Variants in NUP214 observed in about 807,000 individuals in gnomAD.
The protein encoded by NUP214 is nucleoporin 214, also known as nuclear pore complex protein Nup214.
A neutral mutation model predicts 196.2 loss-of-function variants in NUP214; 79 were observed. That is an observed-to-expected ratio of 0.40 (90% confidence interval 0.34 to 0.49). The LOEUF is 0.49. Among genes scored for constraint, NUP214 ranks in the 20% least tolerant of loss-of-function variants. The probability of loss-of-function intolerance (pLI) is 0.58; values close to 1 mark genes in which losing one functional copy is unlikely to be tolerated. For missense variants in NUP214, 2,468 were observed against 2,539.0 expected, an observed-to-expected ratio of 0.97 and a Z score of 0.60; for synonymous variants, 1,020 against 990.5, an observed-to-expected ratio of 1.03 and a Z score of -0.56.
At chr9:131,142,147 T>G (rs554308368) in intron 11 of NUP214, among the ~76,000 whole-genome samples, 2 of 152,330 alleles carry the variant, frequency 1.3e-5, no homozygotes, top group Non-Finnish European at 2.9e-5. Context: ...TTTTTCCTCC[T>G]TATTCAGCCA....
At chr9:131,139,446 T>C (rs768966012) in intron 10 of NUP214, 39 bp downstream of exon 10, 2 of 1,595,268 alleles carry the variant, frequency 1.3e-6, no homozygotes, top group South Asian at 1.2e-5. Context: ...AATAGTCTTC[T>C]TTCTAGTTAG....
Position 131,197,465 on chromosome 9 carries a change from G to A in NUP214, c.3971G>A (p.Ser1324Asn). 1 of 1,614,170 alleles carries A rather than the reference G, an allele frequency of 6.2e-7. No homozygotes were observed. Among genetic ancestry groups the A allele is most frequent in the Middle Eastern group, 1.6e-4 (1 of 6,062 alleles). Residue 1324 changes from serine to asparagine, a missense_variant, in exon 29 of 36, where the codon AGT becomes AAT. Ser to Asn is a conservative substitution (Grantham distance 46, BLOSUM62 1). Around this residue, in one of 5 missense-constraint regions of NUP214, gnomAD observed 1,801 missense variants for 1,779.4 expected, o/e 1.01. Transcript: ENST00000359428. ...PSKLGELLFP[S>N]SLAGETLGSF... ...AAGCTGGGAGAGCTTCTGTTTCCAA[G>A]TTCTTTGGCTGGAGAGACTCTGGGA...
intron 4 of NUP214, 96 bp downstream of exon 4, chr9:131,129,573 TGG>T: frequency 7.9e-7 from 1 of 1,273,520 alleles, no homozygotes; most frequent in Non-Finnish European, 1.1e-6. Flanking sequence ...TTTTGTGTTT[TGG>T]TTTTTTTTTT....
Position 131,163,063 on chromosome 9 carries a change from G to C in NUP214, c.2613G>C (p.Gln871His). ...LANNREIINQ[Q>H]RKRLNHLVDS... ...ACAATCGGGAAATCATCAACCAACA[G>C]AGGAAGAGGCTGAATCACCTGGTGG... The change falls in exon 19 of 36, where the codon CAG (glutamine) becomes CAC (histidine). Residue 871 changes from glutamine (Q) to histidine (H), a missense_variant. By Grantham distance (24) the Gln-to-His change is conservative (BLOSUM62 0). Transcript: ENST00000359428. 6.2e-7 allele frequency: 1 copy of C among 1,614,206 alleles called. No individual in the cohort carries two copies.
At chr9:131,175,369 C>G (rs1268684025) in intron 22 of NUP214, 91 bp from the exon 23 acceptor site, 4 of 1,427,250 alleles carry the variant, frequency 2.8e-6, no homozygotes, top group Non-Finnish European at 3.9e-6. Context: ...AGCATTTTCC[C>G]TGCAGTCGAA....
Position 131,197,811 on chromosome 9 carries a change from T to C in NUP214, c.4317T>C (p.Phe1439=). The C allele has an allele frequency of 6.2e-7, 1 of 1,613,968 alleles. No homozygotes were observed. The highest frequency in any genetic ancestry group is 8.5e-7 in the Non-Finnish European group (1 of 1,180,030). The part of the protein sequence containing the change: ...GTSLSAGKTS[F]SFGSQQTNST... The stretch of plus-strand genomic sequence containing the variant: ...CTCTAAGTGCTGGCAAGACTAGTTT[T>C]TCATTTGGAAGCCAACAGACCAATA... The change falls in exon 29 of 36, where the codon TTT becomes TTC. Residue 1439 remains phenylalanine, a synonymous_variant. Transcript: ENST00000359428.
chr9:131,170,915 A>T (rs1434401794), intron 21 of NUP214, among the ~76,000 whole-genome samples: 3 of 152,010 alleles, frequency 2.0e-5, no homozygotes, highest in Admixed American at 2.0e-4. Flanking sequence ...TCTATAGTTC[A>T]TCCTAAGATG....
intron 24 of NUP214, among the ~76,000 whole-genome samples, chr9:131,179,978 G>A (rs184922539): frequency 1.5e-4 from 23 of 152,318 alleles, no homozygotes; most frequent in African/African-American, 5.3e-4. Context: ...TATGGTACAG[G>A]AAGTATTGTC....
chr9:131,151,888 G>C lies in NUP214; in HGVS notation c.2430G>C (p.Gln810His). The C allele has an allele frequency of 1.2e-6, 2 of 1,607,494 alleles. No homozygotes were observed. The highest frequency in any genetic ancestry group is 1.7e-6 in the Non-Finnish European group (2 of 1,178,130). ...CACTGGATCCCAAGAGTGAAGCTCA[G>C]CTTCAGGTAGGAGATCTATGTAAAT... ...KRPLDPKSEAQLQEIRRLHQY... is the reference protein window; with the variant it reads ...KRPLDPKSEAHLQEIRRLHQY... The change falls in exon 17 of 36, where the codon CAG (glutamine) becomes CAC (histidine). Residue 810 changes from glutamine (Q) to histidine (H), a missense_variant. Coordinates refer to ENST00000359428, the MANE Select transcript of NUP214 (RefSeq NM_005085.4).
intron 26 of NUP214, chr9:131,190,055 C>CT: frequency 5.3e-6 from 1 of 189,932 alleles, no homozygotes; most frequent in East Asian, 9.3e-5. Context: ...CTGGATTTAT[C>CT]TTTAGTAGCT....
Position 131,174,480 on chromosome 9 carries a change from A to G in NUP214, c.3157+162A>G, listed in dbSNP as rs374584499. 5.5e-5 allele frequency among the ~76,000 whole-genome samples: 6 copies of G among 108,474 alleles called. No individual in the cohort carries two copies. In the East Asian group the frequency reaches 1.4e-3, roughly 25 times the overall value. The allele number at this position is 108,474 out of a possible 152,430, so 71.2% of individuals were successfully genotyped here. A position where few individuals can be genotyped will look rare whatever the true frequency, so the allele number is the denominator to read the frequency against. On this transcript the variant is annotated intron_variant, in intron 22 of 35. Transcript: ENST00000359428. ...CTTTTTTTTTTTGAGGTGGAGTCTCACTCTGTTGCCCAGGCTGGAGTGTAA... is the reference window on the plus strand; with the variant it reads ...CTTTTTTTTTTTGAGGTGGAGTCTCGCTCTGTTGCCCAGGCTGGAGTGTAA...
intron 30 of NUP214, among the ~76,000 whole-genome samples, chr9:131,208,902 A>G (rs1327420645): frequency 9.3e-5 from 14 of 150,826 alleles, no homozygotes; most frequent in Non-Finnish European, 1.2e-4. Context: ...AGTCCCAGCT[A>G]CTTGGGAGGC....
chr9:131,209,431 C>T (rs1320557033), intron 30 of NUP214, among the ~76,000 whole-genome samples: 1 of 152,132 alleles, frequency 6.6e-6, no homozygotes, highest in Admixed American at 6.5e-5. Flanking sequence ...TGCTCTGTCG[C>T]CCATGCTGGA....
Position 131,146,074 on chromosome 9 carries a change from T to G in NUP214, c.1770-55T>G. ...CTTTTGATGACATTGCTCATGCTAG[T>G]GTAAAAGAATCTTCTAGCAGGCTCT... On this transcript the variant is annotated intron_variant, in intron 12 of 35. Coordinates refer to ENST00000359428, the MANE Select transcript of NUP214 (RefSeq NM_005085.4). This position sits in a 1 kb window ranked among gnomAD's most constrained non-coding sequence, Gnocchi z 4.6. The G allele has an allele frequency of 6.8e-7, 1 of 1,477,250 alleles. No homozygotes were observed. The highest frequency in any genetic ancestry group is 9.4e-7 in the Non-Finnish European group (1 of 1,059,028). 91.5% of individuals were successfully genotyped at this position (1,477,250 alleles called of 1,614,324 possible).
rs778437962 is a variant in NUP214 at position 131,150,322 on chromosome 9, AG to A, written c.2041del. ...TTTTTAAACCTTTTCCTTCCATTTC[AG>A]GCAAAGTCACTTCAGCCTGCTGTTG... is the stretch of plus-strand genomic sequence containing the variant. On this transcript the variant is annotated splice_acceptor_variant, in intron 14 of 35. Coordinates refer to ENST00000359428, the MANE Select transcript of NUP214 (RefSeq NM_005085.4). LOFTEE classifies it high-confidence loss of function. 6.2e-7 allele frequency: 1 copy of A among 1,613,968 alleles called. No homozygotes were observed. The highest frequency in any genetic ancestry group is 8.5e-7 in the Non-Finnish European group (1 of 1,179,872).
chr9:131,190,295 A>G, intron 26 of NUP214: 1 of 530,030 alleles, frequency 1.9e-6, no homozygotes, highest in East Asian at 3.2e-5. Context: ...TCTTTTTTCA[A>G]GGACTTCATT....
At chr9:131,201,563 C>CAAA (rs56349054) in intron 29 of NUP214, 84 bp from the exon 30 acceptor site, 1,753 of 920,420 alleles carry the variant, frequency 1.9e-3, no homozygotes, top group Non-Finnish European at 2.3e-3. Flanking sequence ...GACTCTGCCT[C>CAAA]AAAAAAAAAA....
intron 30 of NUP214, among the ~76,000 whole-genome samples, chr9:131,204,587 C>T (rs569560065): frequency 9.9e-5 from 15 of 152,122 alleles, no homozygotes; most frequent in African/African-American, 3.1e-4. Flanking sequence ...TTGGCCCCTG[C>T]GCTGTAGTTT....
chr9:131,192,137 C>CT (rs1833619239), intron 26 of NUP214, 71 bp from the exon 27 acceptor site: 3 of 1,047,188 alleles, frequency 2.9e-6, no homozygotes, highest in Middle Eastern at 6.0e-4. Context: ...GAATTATACA[C>CT]TGGAACAGTG....
Sources: gnomAD v4.1 joint callset for allele counts (sites outside exome capture counted in the v4.1 genomes callset) on GRCh38, gnomAD v4.1.1 for gene constraint, gnomAD v4.1.1 regional missense constraint, Gnocchi (gnomAD v3.1) non-coding constraint, MANE v1.5 for transcripts, NCBI Gene and HGNC (gene_info 2026-07-23, HGNC 2026-07-21) for gene names.